The following STK3 variants were observed in gnomAD, a reference collection of about 807,000 sequenced individuals.
The protein encoded by STK3 is serine/threonine-protein kinase 3.
In STK3, 41 loss-of-function variants were observed where a neutral mutation model predicts 58.0. The observed-to-expected ratio is 0.71, with a 90% confidence interval of 0.55 to 0.92. The LOEUF (loss-of-function observed/expected upper bound fraction) is 0.92. Ranked by LOEUF, STK3 falls within the 40% of genes least tolerant of loss-of-function variation. The pLI is 0.00. For synonymous variants in STK3, 170 were observed against 191.0 expected (o/e 0.89, Z 0.91); for missense variants, 479 against 602.7 (o/e 0.79, Z 2.15).
At chr8:98,406,946 G>A (rs1818000141) in intron 3 of STK3, among the ~76,000 whole-genome samples, 1 of 152,158 alleles carries the variant, frequency 6.6e-6, no homozygotes, top group South Asian at 2.1e-4. Context: ...AGTCACCCAC[G>A]AGCCAGCCTT....
intron 10 of STK3, among the ~76,000 whole-genome samples, chr8:98,484,086 A>G (rs1459808989): frequency 6.6e-6 from 1 of 152,134 alleles, no homozygotes; most frequent in Non-Finnish European, 1.5e-5. Context: ...CCATGACTTA[A>G]AGACTTAATA....
downstream of STK3, chr8:98,882,272 GGTACGTA>G (rs1837822413): frequency 6.6e-6 from 1 of 151,692 alleles, no homozygotes; most frequent in South Asian, 2.1e-4. Context: ...AATTTTTGTG[GGTACGTA>G]GTAGATGTAT....
chr8:98,777,120 A>G (rs1436274945), intron 1 of STK3, among the ~76,000 whole-genome samples: 3 of 152,186 alleles, frequency 2.0e-5, no homozygotes, highest in Non-Finnish European at 4.4e-5. Flanking sequence ...ACTTCCTTAC[A>G]TATACAAAAA....
chr8:98,492,599 AT>A (rs541295546), intron 10 of STK3, among the ~76,000 whole-genome samples: 1 of 151,280 alleles, frequency 6.6e-6, no homozygotes, highest in African/African-American at 2.4e-5. Context: ...AGTGTTTTGT[AT>A]TTTTTTTTGG....
intron 1 of STK3, chr8:98,905,055 A>G (rs1248291061): frequency 9.9e-7 from 1 of 1,012,606 alleles, no homozygotes; most frequent in African/African-American, 1.6e-5. Flanking sequence ...CCCATAGCCC[A>G]TGGTGTAAGG....
At chr8:98,454,089 G>A (rs1456551746), downstream of STK3, among the ~76,000 whole-genome samples, 1 of 152,000 alleles carries the variant, frequency 6.6e-6, no homozygotes, top group Non-Finnish European at 1.5e-5. Flanking sequence ...GGCTCAACAG[G>A]GTAGAGACAA....
intron 6 of STK3, chr8:98,597,330 C>T (rs1345465355): frequency 1.0e-6 from 1 of 985,212 alleles, no homozygotes; most frequent in East Asian, 1.1e-4. Context: ...GGTTAAGAGT[C>T]AATCTTTTTA....
chr8:98,359,429 G>A, the STK3 span, among the ~76,000 whole-genome samples: 16 of 150,358 alleles, frequency 1.1e-4, no homozygotes, highest in African/African-American at 2.9e-4. Context: ...AGGCTGAGGC[G>A]GGAGAATCAC....
At chr8:98,905,343 A>C (rs1400974705) in intron 1 of STK3, 10 of 961,626 alleles carry the variant, frequency 1.0e-5, no homozygotes, top group African/African-American at 1.6e-5. Context: ...ATAATCTTTC[A>C]CGATGTCACA....
intron 10 of STK3, among the ~76,000 whole-genome samples, chr8:98,504,700 GA>G (rs1358199263): frequency 1.7e-4 from 26 of 152,150 alleles, no homozygotes; most frequent in Admixed American, 1.7e-3. Context: ...ATTTCTTTAA[GA>G]ATGTTGAATA....
chr8:98,862,936 C>T (rs956350866), intron 3 of STK3, among the ~76,000 whole-genome samples: 1 of 152,158 alleles, frequency 6.6e-6, no homozygotes, highest in African/African-American at 2.4e-5. Flanking sequence ...GGTGGATTGG[C>T]CAATTTAGTC....
At chr8:98,514,636 G>C (rs976461366) in intron 10 of STK3, among the ~76,000 whole-genome samples, 1 of 151,734 alleles carries the variant, frequency 6.6e-6, no homozygotes, top group Non-Finnish European at 1.5e-5. Flanking sequence ...TATATCCATG[G>C]GTAGATAGAG....
intron 6 of STK3, among the ~76,000 whole-genome samples, chr8:98,655,037 A>G (rs1417890035): frequency 2.0e-5 from 3 of 152,116 alleles, no homozygotes; most frequent in Non-Finnish European, 4.4e-5. Flanking sequence ...GTCAATCCTA[A>G]GCCAAAAGAA....
chr8:98,743,528 C>T (rs897797360), intron 4 of STK3, among the ~76,000 whole-genome samples: 12 of 152,010 alleles, frequency 7.9e-5, no homozygotes, highest in African/African-American at 2.9e-4. Context: ...AACTGGCTAG[C>T]GACATGTAGA....
chr8:98,587,669 C>T (rs1466687285), intron 7 of STK3, among the ~76,000 whole-genome samples: 4 of 152,044 alleles, frequency 2.6e-5, no homozygotes, highest in Admixed American at 2.0e-4. Context: ...CTTTCTGTCT[C>T]GTTGATCTGT....
At chr8:98,733,315 C>T (rs1828339517) in intron 4 of STK3, among the ~76,000 whole-genome samples, 1 of 152,194 alleles carries the variant, frequency 6.6e-6, no homozygotes, top group South Asian at 2.1e-4. Context: ...TGGTCCATGG[C>T]CCGTTGGGAA....
intron 7 of STK3, among the ~76,000 whole-genome samples, chr8:98,590,745 CAT>C (rs1377452947): frequency 6.6e-6 from 1 of 152,154 alleles, no homozygotes; most frequent in African/African-American, 2.4e-5. Flanking sequence ...AAGTTTATCT[CAT>C]GTAGAAAGCA....
At position 98,711,802 on chromosome 8, in the gene STK3, C is replaced by G. The variant is rs543613070; in HGVS notation, c.352-4491G>C. On this transcript the variant is annotated intron_variant, in intron 4 of 10. Transcript: ENST00000419617. The stretch of plus-strand genomic sequence containing the variant: ...CAGAGAACGCCACAAAGATACTCCT[C>G]AAGAAGAGCAACTCCAAGACACATA... 6.2e-4 allele frequency among the ~76,000 whole-genome samples: 95 copies of G among 152,226 alleles called. 1 individual carries two copies. In the East Asian group the frequency reaches 7.9e-3, roughly 13 times the overall value.
intron 6 of STK3, among the ~76,000 whole-genome samples, chr8:98,663,501 C>A (rs1587217831): frequency 1.3e-5 from 2 of 152,276 alleles, no homozygotes; most frequent in African/African-American, 2.4e-5. Flanking sequence ...TACCATTTGA[C>A]CCAGCCATCC....
Sources: allele counts gnomAD v4.1 joint callset (sites outside exome capture counted in the v4.1 genomes callset), GRCh38; gene constraint gnomAD v4.1.1; transcripts MANE v1.5; gene names NCBI Gene and HGNC (gene_info 2026-07-23, HGNC 2026-07-21).